SLC6A16: variants seen among roughly 807,000 people sequenced by gnomAD.
SLC6A16 encodes solute carrier family 6 member 16.
Under a neutral mutation model 65.4 loss-of-function variants are expected in SLC6A16, and 54 were observed. That is an observed-to-expected ratio of 0.83 (90% CI 0.66 to 1.04). The LOEUF (loss-of-function observed/expected upper bound fraction) is 1.04, where lower values mean the gene tolerates loss of function less well. SLC6A16 is among the 50% of genes least tolerant of loss of function. SLC6A16 has a pLI of 0.00. For synonymous variants in SLC6A16, 330 were observed against 346.5 expected, an observed-to-expected ratio of 0.95 and a Z score of 0.53; for missense variants, 816 against 914.0, an observed-to-expected ratio of 0.89 and a Z score of 1.38.
upstream of SLC6A16, among the ~76,000 whole-genome samples, chr19:49,329,156 G>A (rs1029692074): frequency 2.6e-5 from 4 of 151,954 alleles, no homozygotes; most frequent in South Asian, 2.1e-4. Flanking sequence ...GCAGTGGTGC[G>A]ATCTCAGCTC....
At chr19:49,338,113 G>A in the SLC6A16 span, 13 of 1,540,506 alleles carry the variant, frequency 8.4e-6, no homozygotes, top group South Asian at 1.2e-5. This position sits in a 1 kb window ranked among gnomAD's most constrained non-coding sequence, Gnocchi z 5.0. Flanking sequence ...ACGTGGGCCC[G>A]ACCCCCAGCT....
At chr19:49,340,102 G>A in the SLC6A16 span, 1 of 1,533,604 alleles carries the variant, frequency 6.5e-7, no homozygotes, top group Non-Finnish European at 8.8e-7. Flanking sequence ...AGTTCCCGTC[G>A]AGCCCCGCCC....
Position 49,310,031 on chromosome 19 carries a change from C to A in SLC6A16, c.700+9G>T. The A allele has an allele frequency of 6.2e-7, 1 of 1,613,426 alleles. No homozygotes were observed. Among genetic ancestry groups the A allele is most frequent in the Non-Finnish European group, 8.5e-7 (1 of 1,179,496 alleles). On this transcript the variant is annotated intron_variant, in intron 4 of 11. Transcript: ENST00000335875. ...TTTCCCTTCTCCTCTTCTTTCACTT[C>A]CTCCTCACCAAAGCCACTAGAGTTC...
the SLC6A16 span, among the ~76,000 whole-genome samples, chr19:49,333,487 T>C: frequency 6.6e-6 from 1 of 152,050 alleles, no homozygotes; most frequent in Non-Finnish European, 1.5e-5. Context: ...ACCAAAAAAA[T>C]AAAAGCTGAG....
At position 49,325,189 on chromosome 19, in the gene SLC6A16, T is replaced by A; in HGVS notation, c.-206A>T. On this transcript the variant is annotated 5_prime_UTR_variant, in exon 1 of 12. Transcript: ENST00000335875. The stretch of plus-strand genomic sequence containing the variant: ...GATCGGTTTGGGCGACACCCCTCGA[T>A]CTGCCTGGCGCGCGGCCTTTCCCGC... 1.0e-6 allele frequency: 1 copy of A among 985,518 alleles called. No homozygotes were observed. The highest frequency in any genetic ancestry group is 1.2e-6 in the Non-Finnish European group (1 of 829,984). 61.0% of individuals were successfully genotyped at this position (985,518 alleles called of 1,614,324 possible).
rs1970060399 is a variant in SLC6A16, at chr19:49,290,666, A to G, written c.1880T>C (p.Val627Ala). 1 of 1,614,122 alleles carries G rather than the reference A, an allele frequency of 6.2e-7. No individual in the cohort carries two copies. Among genetic ancestry groups the G allele is most frequent in the East Asian group, 2.2e-5 (1 of 44,870 alleles). The change falls in exon 11 of 12, where the codon GTG becomes GCG. Residue 627 changes from valine (V) to alanine (A), a missense_variant. Physicochemically the swap from Val to Ala is moderately conservative, Grantham distance 64. Transcript: ENST00000335875. ...CATACAAAGATGAACCATCATGGTC[A>G]CAAAGATGATTAGCAGCACAACTGG... Reference protein sequence around the residue: ...LCPVVLLIIFVTMMVHLCMKP... With the variant: ...LCPVVLLIIFATMMVHLCMKP...
At chr19:49,309,174 A>G (rs1970456525) in intron 6 of SLC6A16, 57 bp from the exon 7 acceptor site, 1 of 1,604,862 alleles carries the variant, frequency 6.2e-7, no homozygotes, top group Non-Finnish European at 8.5e-7. Flanking sequence ...GAGGACAACT[A>G]TAATAGAAAT....
the SLC6A16 span, chr19:49,339,756 CAGCCTGATCGCT>C: frequency 1.4e-6 from 2 of 1,391,168 alleles, no homozygotes; most frequent in Non-Finnish European, 1.9e-6. This position sits in a 1 kb window ranked among gnomAD's most constrained non-coding sequence, Gnocchi z 4.5. Flanking sequence ...GCCCCGGGCC[CAGCCTGATCGCT>C]GACGGCGGCG....
chr19:49,309,397 C>T lies in SLC6A16; in HGVS notation c.891G>A (p.Leu297=), dbSNP rs773119564. Residue 297 remains leucine (L), a synonymous_variant, in exon 6 of 12, where the codon TTG becomes TTA. Transcript: ENST00000335875. ...LKSTGKVIYV[L]VLLPCFIIVG... ...CAATGATGAAACAGGGGAGCAGTAC[C>T]AAGACATAGATTACCTGAATCGAGA... 28 of 1,613,298 alleles carry T rather than the reference C, an allele frequency of 1.7e-5. No individual in the cohort carries two copies. Among genetic ancestry groups the T allele is most frequent in the Non-Finnish European group, 2.3e-5 (27 of 1,179,370 alleles).
Position 49,290,605 on chromosome 19 carries a change from G to A in SLC6A16, c.1941C>T (p.Thr647=), listed in dbSNP as rs375943996. 176 of 1,613,894 alleles carry A rather than the reference G, an allele frequency of 1.1e-4. No homozygotes were observed. Among genetic ancestry groups the A allele is most frequent in the East Asian group, 9.6e-4 (43 of 44,884 alleles). ...PITYMSWDSS[T]SKEVLRPYPP... ...GTTCTGGGTCCTGGGGGAGGCTCAC[G>A]GTGCTTGAGTCCCAGGACATGTAGG... The change falls in exon 11 of 12, where the codon ACC becomes ACT. Residue 647 remains threonine, a splice_region_variant and synonymous_variant. Transcript: ENST00000335875.
intron 1 of SLC6A16, among the ~76,000 whole-genome samples, chr19:49,323,015 T>C (rs941532208): frequency 2.6e-5 from 4 of 151,834 alleles, no homozygotes; most frequent in Admixed American, 1.3e-4. Context: ...AAATAGTGTG[T>C]TACTCACATA....
At chr19:49,335,584 T>A in the SLC6A16 span, 2 of 1,614,050 alleles carry the variant, frequency 1.2e-6, no homozygotes, top group Non-Finnish European at 1.7e-6. This position sits in a 1 kb window ranked among gnomAD's most constrained non-coding sequence, Gnocchi z 4.6. Flanking sequence ...AAGTACTTCC[T>A]CTTCGTTTTC....
intron 1 of SLC6A16, among the ~76,000 whole-genome samples, chr19:49,316,410 A>C (rs1970613672): frequency 6.6e-6 from 1 of 152,204 alleles, no homozygotes; most frequent in Non-Finnish European, 1.5e-5. Flanking sequence ...TGTGGGAGGA[A>C]ACAAAGGAAG....
chr19:49,319,703 A>G (rs1223074940), intron 1 of SLC6A16, among the ~76,000 whole-genome samples: 1 of 151,986 alleles, frequency 6.6e-6, no homozygotes, highest in Admixed American at 6.6e-5. Context: ...AACACAATAA[A>G]CCAACCAGAT....
At chr19:49,307,474 C>T (rs951516521) in intron 7 of SLC6A16, among the ~76,000 whole-genome samples, 10 of 152,084 alleles carry the variant, frequency 6.6e-5, no homozygotes, top group South Asian at 2.1e-4. Flanking sequence ...CTCTTGCACA[C>T]GCACACATGT....
At chr19:49,326,121 G>A (rs531804845), upstream of SLC6A16, among the ~76,000 whole-genome samples, 1 of 151,220 alleles carries the variant, frequency 6.6e-6, no homozygotes, top group South Asian at 2.1e-4. Context: ...AATGAGCCGA[G>A]ATTTTGCCAC....
At chr19:49,290,829 C>T in intron 10 of SLC6A16, 62 bp from the exon 11 acceptor site, 1 of 1,393,384 alleles carries the variant, frequency 7.2e-7, no homozygotes, top group Non-Finnish European at 9.8e-7. Context: ...GGAGGCAGGG[C>T]CAGCCCAACC....
chr19:49,304,823 G>C (rs917401223), intron 7 of SLC6A16, among the ~76,000 whole-genome samples: 1 of 152,140 alleles, frequency 6.6e-6, no homozygotes, highest in East Asian at 1.9e-4. Flanking sequence ...TTTAAAATGG[G>C]CAAAAATGAA....
chr19:49,309,692 C>T lies in SLC6A16; in HGVS notation c.835G>A (p.Val279Ile), dbSNP rs763245138. 1 of 1,614,132 alleles carries T rather than the reference C, an allele frequency of 6.2e-7. No individual in the cohort carries two copies. Among genetic ancestry groups the T allele is most frequent in the Non-Finnish European group, 8.5e-7 (1 of 1,180,002 alleles). The change falls in exon 5 of 12, where the codon GTT becomes ATT. Residue 279 changes from valine (V) to isoleucine (I), a missense_variant. By Grantham distance (29) the Val-to-Ile change is conservative. Transcript: ENST00000335875. ...VLPFFLCWCL[V>I]GAFMINGLKS... ...AGCCCATTGATCATGAAAGCACCAA[C>T]AAGACACCAGCAAAGAAAGAAGGGC...
Sources: gnomAD v4.1 joint callset for allele counts (sites outside exome capture counted in the v4.1 genomes callset) on GRCh38, gnomAD v4.1.1 for gene constraint, Gnocchi (gnomAD v3.1) non-coding constraint, MANE v1.5 for transcripts, NCBI Gene and HGNC (gene_info 2026-07-23, HGNC 2026-07-21) for gene names.